Variants in RNF144B observed in about 807,000 individuals in gnomAD.
RNF144B encodes the protein E3 ubiquitin-protein ligase RNF144B.
Under a neutral mutation model 40.2 loss-of-function variants are expected in RNF144B, and 25 were observed. The ratio of observed to expected loss-of-function variants is 0.62; its 90% confidence interval spans 0.45 to 0.87. The LOEUF (loss-of-function observed/expected upper bound fraction) is 0.87. RNF144B is among the 40% of genes least tolerant of loss of function. The pLI is 0.00. For missense variants in RNF144B, 365 were observed against 373.7 expected, an observed-to-expected ratio of 0.98 and a Z score of 0.19; for synonymous variants, 145 against 136.3, an observed-to-expected ratio of 1.06 and a Z score of -0.44.
intron 3 of RNF144B, among the ~76,000 whole-genome samples, chr6:18,428,805 T>G (rs1258090078): frequency 6.6e-6 from 1 of 152,176 alleles, no homozygotes; most frequent in Non-Finnish European, 1.5e-5. Context: ...CCAGAAGGTT[T>G]AAGTAACTTA....
rs185296738 is a variant in RNF144B, at chr6:18,464,199, A to G, written c.772-728A>G. Reference sequence around the variant, plus strand: ...TATTTTTAATTTTTAATAGTGTTTTATATTTATTAAAGGCGGTATTCCTTT... The same window carrying G: ...TATTTTTAATTTTTAATAGTGTTTTGTATTTATTAAAGGCGGTATTCCTTT... On this transcript the variant is annotated intron_variant, in intron 7 of 7. Coordinates refer to ENST00000259939, the MANE Select transcript of RNF144B (RefSeq NM_182757.4). This position sits in a 1 kb window ranked among gnomAD's most constrained non-coding sequence, Gnocchi z 6.1. 1.3e-5 allele frequency among the ~76,000 whole-genome samples: 2 copies of G among 152,284 alleles called. No individual in the cohort carries two copies. The highest frequency in any genetic ancestry group is 1.9e-4 in the East Asian group (1 of 5,184).
intron 2 of RNF144B, among the ~76,000 whole-genome samples, chr6:18,403,963 C>T (rs566916209): frequency 5.3e-5 from 8 of 152,318 alleles, no homozygotes; most frequent in South Asian, 4.1e-4. Context: ...AATTCATTCT[C>T]GCCACAGCAA....
intron 1 of RNF144B, among the ~76,000 whole-genome samples, chr6:18,394,131 A>G (rs951154655): frequency 2.0e-5 from 3 of 152,312 alleles, no homozygotes; most frequent in Admixed American, 2.0e-4. Flanking sequence ...CAAATTTTAA[A>G]GTTTCTGCAT....
In RNF144B at chr6:18,402,552, C is replaced by T. The variant is rs1016655600; in HGVS notation, c.165+2853C>T. Among the ~76,000 whole-genome samples, 2 of 103,544 alleles carry T rather than the reference C, an allele frequency of 1.9e-5. 1 individual carries two copies. The highest frequency in any genetic ancestry group is 6.1e-5 in the African/African-American group (2 of 32,770). The allele number at this position is 103,544 out of a possible 152,430, so 67.9% of individuals were successfully genotyped here. A position where few individuals can be genotyped will look rare whatever the true frequency, so the allele number is the denominator to read the frequency against. On this transcript the variant is annotated intron_variant, in intron 2 of 7. Coordinates refer to ENST00000259939, the MANE Select transcript of RNF144B (RefSeq NM_182757.4). ...TCCTTTCTTAGAGGGATGTAAGGCA[C>T]ATTTGCATATTAGAGGCTCTGTGAA...
chr6:18,389,935 A>G (rs1356284683), intron 1 of RNF144B, among the ~76,000 whole-genome samples: 2 of 152,220 alleles, frequency 1.3e-5, no homozygotes, highest in Non-Finnish European at 2.9e-5. Flanking sequence ...GTGAATACAG[A>G]TGAGAACCAG....
At chr6:18,424,917 T>G (rs1403983057) in intron 2 of RNF144B, among the ~76,000 whole-genome samples, 1 of 152,172 alleles carries the variant, frequency 6.6e-6, no homozygotes, top group African/African-American at 2.4e-5. Flanking sequence ...GGTCAAAGGA[T>G]TAACATTTTC....
rs1794991796 is a variant in RNF144B at position 18,409,560 on chromosome 6, C to CGTTTT, written c.165+9861_165+9862insGTTTT. Among the ~76,000 whole-genome samples, 7 of 61,206 alleles carry CGTTTT rather than the reference C, an allele frequency of 1.1e-4. 1 individual carries two copies. The highest frequency in any genetic ancestry group is 2.3e-4 in the Non-Finnish European group (6 of 26,166). 40.2% of individuals were successfully genotyped at this position (61,206 alleles called of 152,430 possible). ...TTTGGGACAAACTTCACTTGCATAACCTTTTTTTTTTTTTTTTTTTACTTT... is the reference window on the plus strand; with the variant it reads ...TTTGGGACAAACTTCACTTGCATAACGTTTTCTTTTTTTTTTTTTTTTTTTACTTT... On this transcript the variant is annotated intron_variant, in intron 2 of 7. Coordinates refer to ENST00000259939, the MANE Select transcript of RNF144B (RefSeq NM_182757.4).
At chr6:18,387,880 T>C (rs1794493943) in intron 1 of RNF144B, among the ~76,000 whole-genome samples, 1 of 152,176 alleles carries the variant, frequency 6.6e-6, no homozygotes, top group African/African-American at 2.4e-5. Flanking sequence ...TAGAATGTAT[T>C]GTAGAATCCG....
At chr6:18,463,458 A>C in intron 7 of RNF144B, 78 bp downstream of exon 7, 2 of 859,320 alleles carry the variant, frequency 2.3e-6, no homozygotes, top group Non-Finnish European at 3.9e-6. Context: ...GCCTTTCCTC[A>C]TTATTCCCTC....
chr6:18,439,075 C>T (rs981730538), intron 3 of RNF144B, among the ~76,000 whole-genome samples: 3 of 152,124 alleles, frequency 2.0e-5, no homozygotes, highest in Non-Finnish European at 2.9e-5. Flanking sequence ...ATGTTGCCAT[C>T]TGAAATGGAA....
chr6:18,459,588 T>G lies in RNF144B; in HGVS notation c.537-19T>G. The G allele has an allele frequency of 6.2e-7, 1 of 1,610,776 alleles. No individual in the cohort carries two copies. The highest frequency in any genetic ancestry group is 1.7e-5 in the Admixed American group (1 of 59,886). ...ATGACCATCAGCTGAATGCCATTTC[T>G]CATCCATTTTGTTTCTAGAGCCCTC... On this transcript the variant is annotated intron_variant, in intron 5 of 7. Transcript: ENST00000259939. The surrounding 1 kb of genome is among the most constrained non-coding windows in gnomAD (Gnocchi z 4.2).
Position 18,412,891 on chromosome 6 carries a change from T to C in RNF144B, c.165+13192T>C, listed in dbSNP as rs1327994152. Among the ~76,000 whole-genome samples the C allele has an allele frequency of 6.6e-6, 1 of 152,180 alleles. No individual in the cohort carries two copies. The highest frequency in any genetic ancestry group is 1.5e-5 in the Non-Finnish European group (1 of 68,016). On this transcript the variant is annotated intron_variant, in intron 2 of 7. Coordinates refer to ENST00000259939, the MANE Select transcript of RNF144B (RefSeq NM_182757.4). The surrounding 1 kb of genome is among the most constrained non-coding windows in gnomAD (Gnocchi z 4.2). Reference sequence around the variant, plus strand: ...TTTGGTTTGACTCTTCTGGAAAATATGTGTGAGGTATTTACTACATGAATG... The same window carrying C: ...TTTGGTTTGACTCTTCTGGAAAATACGTGTGAGGTATTTACTACATGAATG...
chr6:18,464,862 G>C lies in RNF144B; in HGVS notation c.772-65G>C. The C allele has an allele frequency of 6.6e-7, 1 of 1,509,708 alleles. No individual in the cohort carries two copies. The allele number at this position is 1,509,708 out of a possible 1,614,324, so 93.5% of individuals were successfully genotyped here. On this transcript the variant is annotated intron_variant, in intron 7 of 7. Coordinates refer to ENST00000259939, the MANE Select transcript of RNF144B (RefSeq NM_182757.4). This position sits in a 1 kb window ranked among gnomAD's most constrained non-coding sequence, Gnocchi z 6.1. ...TTGGCCCACAGCAGATAACAGTATA[G>C]TTGGAATAAGTATACATATTGAAAG... is the stretch of plus-strand genomic sequence containing the variant.
chr6:18,401,103 C>T (rs1455050963), intron 2 of RNF144B, among the ~76,000 whole-genome samples: 1 of 151,638 alleles, frequency 6.6e-6, no homozygotes, highest in African/African-American at 2.4e-5. Flanking sequence ...TGGTGAAAAT[C>T]AGTATGCAAA....
rs1362333930 is a variant in RNF144B, at chr6:18,405,174, A to ATTATTATTATTATTATTG, written c.165+5477_165+5478insATTATTATTATTATTGTT. Among the ~76,000 whole-genome samples the ATTATTATTATTATTATTG allele has an allele frequency of 0.012, 1,772 of 142,548 alleles. 39 individuals are homozygous for ATTATTATTATTATTATTG. Among genetic ancestry groups the ATTATTATTATTATTATTG allele is most frequent in the African/African-American group, 0.043 (1,696 of 39,130 alleles). The allele number at this position is 142,548 out of a possible 152,430, so 93.5% of individuals were successfully genotyped here. On this transcript the variant is annotated intron_variant, in intron 2 of 7. Coordinates refer to ENST00000259939, the MANE Select transcript of RNF144B (RefSeq NM_182757.4). This position sits in a 1 kb window ranked among gnomAD's most constrained non-coding sequence, Gnocchi z 4.5. ...CTTTATTATTATTATTATTATTATT[A>ATTATTATTATTATTATTG]TTGTTATTATTATTTTTGAGATGGA...
At chr6:18,396,609 A>G in intron 1 of RNF144B, 1 of 985,108 alleles carries the variant, frequency 1.0e-6, no homozygotes, top group Non-Finnish European at 1.2e-6. Flanking sequence ...GGAAGCATTT[A>G]CTACCTACGT....
In RNF144B at chr6:18,425,619, C is replaced by A. The variant is rs1224261204; in HGVS notation, c.166-1962C>A. ...AGTGATTTTTCACCCTTCTGTTGAA[C>A]AAGGAAGTCAGGGTTAAAACACAGT... On this transcript the variant is annotated intron_variant, in intron 2 of 7. Transcript: ENST00000259939. This position sits in a 1 kb window ranked among gnomAD's most constrained non-coding sequence, Gnocchi z 4.2. 6.6e-6 allele frequency among the ~76,000 whole-genome samples: 1 copy of A among 152,152 alleles called. No individual in the cohort carries two copies. Among genetic ancestry groups the A allele is most frequent in the African/African-American group, 2.4e-5 (1 of 41,436 alleles).
chr6:18,463,166 C>T, intron 6 of RNF144B, 125 bp from the exon 7 acceptor site: 1 of 633,324 alleles, frequency 1.6e-6, no homozygotes, highest in Non-Finnish European at 2.9e-6. Context: ...CTTGGAATTC[C>T]TAGAGGGGGT....
At position 18,468,454 on chromosome 6, in the gene RNF144B, A is replaced by G. The variant is rs542901847; in HGVS notation, c.*3387A>G. On this transcript the variant is annotated 3_prime_UTR_variant, in exon 8 of 8. Coordinates refer to ENST00000259939, the MANE Select transcript of RNF144B (RefSeq NM_182757.4). The stretch of plus-strand genomic sequence containing the variant: ...GAATTTTCTTGTAGCGTGCTTCATG[A>G]AAATATCTACTTATCCAGGTTTGCA... The G allele has an allele frequency of 2.6e-5, 4 of 152,332 alleles. No individual in the cohort carries two copies. Among genetic ancestry groups the G allele is most frequent in the Non-Finnish European group, 4.4e-5 (3 of 68,036 alleles). The allele number at this position is 152,332 out of a possible 1,614,324, so 9.4% of individuals were successfully genotyped here. A position where few individuals can be genotyped will look rare whatever the true frequency, so the allele number is the denominator to read the frequency against.
Sources: gnomAD v4.1 joint callset for allele counts (sites outside exome capture counted in the v4.1 genomes callset) on GRCh38, gnomAD v4.1.1 for gene constraint, Gnocchi (gnomAD v3.1) non-coding constraint, MANE v1.5 for transcripts, NCBI Gene and HGNC (gene_info 2026-07-23, HGNC 2026-07-21) for gene names.